SNAP25: variants seen among roughly 807,000 people sequenced by gnomAD.
SNAP25 encodes the protein synaptosome associated protein 25, also known as synaptosomal-associated protein 25.
SNAP25 carries 3 observed loss-of-function variants against 28.7 expected under a neutral mutation model. The observed-to-expected ratio is 0.10, with a 90% CI of 0.05 to 0.27. The LOEUF (loss-of-function observed/expected upper bound fraction) is 0.27, where lower values mean the gene tolerates loss of function less well. Ranked by LOEUF, SNAP25 falls within the 10% of genes least tolerant of loss-of-function variation. The pLI is 1.00. For missense variants in SNAP25, 117 were observed against 278.7 expected (o/e 0.42, Z 4.13); for synonymous variants, 61 against 88.1 (o/e 0.69, Z 1.72).
At chr20:10,269,119 A>G (rs1429384013) in intron 1 of SNAP25, among the ~76,000 whole-genome samples, 1 of 152,204 alleles carries the variant, frequency 6.6e-6, no homozygotes, top group Non-Finnish European at 1.5e-5. Context: ...GTTTTAAAAT[A>G]TGTTCCAGAA....
intron 1 of SNAP25, among the ~76,000 whole-genome samples, chr20:10,274,825 A>G (rs2063659860): frequency 6.6e-6 from 1 of 152,170 alleles, no homozygotes; most frequent in South Asian, 2.1e-4. Flanking sequence ...CCTGGGCGAC[A>G]GAGCGAGACT....
intron 1 of SNAP25, among the ~76,000 whole-genome samples, chr20:10,239,288 T>G (rs1446386367): frequency 2.0e-5 from 3 of 152,212 alleles, no homozygotes; most frequent in African/African-American, 7.2e-5. Context: ...TAGACAATAG[T>G]CGAATTTCAT....
At chr20:10,284,241 C>A (rs965458245) in intron 3 of SNAP25, among the ~76,000 whole-genome samples, 2 of 152,098 alleles carry the variant, frequency 1.3e-5, no homozygotes, top group African/African-American at 4.8e-5. Context: ...AAAACCTCAA[C>A]CCCCACCACC....
At chr20:10,286,569 G>T (rs1344375079) in intron 4 of SNAP25, among the ~76,000 whole-genome samples, 1 of 152,254 alleles carries the variant, frequency 6.6e-6, no homozygotes, top group Non-Finnish European at 1.5e-5. Flanking sequence ...TCAGCCATTG[G>T]CTTGAAGCAT....
Position 10,293,139 on chromosome 20 carries a change from T to C in SNAP25, c.164-22T>C. On this transcript the variant is annotated intron_variant, in intron 4 of 7. Transcript: ENST00000254976. This position sits in a 1 kb window ranked among gnomAD's most constrained non-coding sequence, Gnocchi z 5.6. ...TTCCATCTGCTTCATTCTGTGGGGA[T>C]AAAATACTTGTGTTTAATCAGAACA... 1 of 1,600,118 alleles carries C rather than the reference T, an allele frequency of 6.2e-7. No homozygotes were observed. The highest frequency in any genetic ancestry group is 8.6e-7 in the Non-Finnish European group (1 of 1,167,944).
intron 1 of SNAP25, among the ~76,000 whole-genome samples, chr20:10,273,024 G>A (rs978187192): frequency 2.0e-5 from 3 of 152,108 alleles, no homozygotes; most frequent in African/African-American, 7.2e-5. Flanking sequence ...CATCCTTGTT[G>A]AGAAAGCAAT....
chr20:10,258,357 TC>T (rs2063356523), intron 1 of SNAP25, among the ~76,000 whole-genome samples: 1 of 152,198 alleles, frequency 6.6e-6, no homozygotes, highest in Non-Finnish European at 1.5e-5. Context: ...CATCACATAC[TC>T]CTTCTATATT....
At chr20:10,296,682 G>A (rs1437239314) in intron 5 of SNAP25, 2 of 484,750 alleles carry the variant, frequency 4.1e-6, no homozygotes, top group Non-Finnish European at 7.1e-6. Context: ...ACCAAAACAA[G>A]AACAACCTTG....
At chr20:10,277,839 T>C in intron 3 of SNAP25, 113 bp downstream of exon 3, 2 of 994,006 alleles carry the variant, frequency 2.0e-6, no homozygotes, top group South Asian at 2.8e-5. Context: ...CCAGTGTGGA[T>C]GTAGCCTATC....
intron 1 of SNAP25, among the ~76,000 whole-genome samples, chr20:10,252,580 T>C (rs2063250068): frequency 6.6e-6 from 1 of 152,182 alleles, no homozygotes; most frequent in African/African-American, 2.4e-5. Context: ...ATACATATGT[T>C]AAAATTTAAC....
chr20:10,242,953 G>A lies in SNAP25; in HGVS notation c.-64+23976G>A, dbSNP rs3025860. Among the ~76,000 whole-genome samples the A allele has an allele frequency of 8.0e-3, 1,217 of 152,318 alleles. 11 individuals are homozygous for A. Among genetic ancestry groups the A allele is most frequent in the African/African-American group, 0.024 (992 of 41,570 alleles). On this transcript the variant is annotated intron_variant, in intron 1 of 7. Transcript: ENST00000254976. ...AGAATAAACATGGCCTATTAGCAAG[G>A]AGTGGCTCTTCCTGTCCCCTGCTCT...
intron 1 of SNAP25, among the ~76,000 whole-genome samples, chr20:10,252,073 C>G (rs1212637082): frequency 6.6e-6 from 1 of 152,202 alleles, no homozygotes; most frequent in East Asian, 1.9e-4. Flanking sequence ...TTAACAGGCC[C>G]TATGTGCCCT....
chr20:10,258,155 C>T (rs997864967), intron 1 of SNAP25, among the ~76,000 whole-genome samples: 6 of 152,082 alleles, frequency 3.9e-5, no homozygotes, highest in Admixed American at 2.6e-4. Context: ...TTAGAGATCT[C>T]GTGTCATGGA....
intron 1 of SNAP25, among the ~76,000 whole-genome samples, chr20:10,224,222 A>G (rs2062688146): frequency 8.7e-6 from 1 of 115,536 alleles, no homozygotes; most frequent in South Asian, 2.8e-4. Context: ...CATATTTTTC[A>G]TATTGGCCAA....
chr20:10,297,170 A>G (rs1217945312), intron 6 of SNAP25, 120 bp downstream of exon 6: 8 of 1,266,926 alleles, frequency 6.3e-6, no homozygotes, highest in Non-Finnish European at 7.2e-6. Flanking sequence ...ATACCTGCTA[A>G]GTGTTCTTTT....
intron 6 of SNAP25, among the ~76,000 whole-genome samples, chr20:10,298,790 A>T (rs1333441997): frequency 6.6e-6 from 1 of 152,076 alleles, no homozygotes; most frequent in Non-Finnish European, 1.5e-5. Context: ...GAGCACAGAG[A>T]CTCTGACTTA....
At chr20:10,240,530 G>T (rs1600665742) in intron 1 of SNAP25, among the ~76,000 whole-genome samples, 1 of 152,068 alleles carries the variant, frequency 6.6e-6, no homozygotes, top group East Asian at 1.9e-4. Flanking sequence ...AAATGCTGGG[G>T]GTCATCTCAG....
chr20:10,258,731 G>A (rs2063362318), intron 1 of SNAP25, among the ~76,000 whole-genome samples: 1 of 152,108 alleles, frequency 6.6e-6, no homozygotes, highest in Non-Finnish European at 1.5e-5. Flanking sequence ...TCGATATTTG[G>A]GTAAATCCAA....
intron 1 of SNAP25, among the ~76,000 whole-genome samples, chr20:10,236,529 G>A (rs2062924464): frequency 6.6e-6 from 1 of 152,072 alleles, no homozygotes; most frequent in African/African-American, 2.4e-5. Flanking sequence ...AGTGCCCTCT[G>A]TTTAAGCAAA....
Sources: gnomAD v4.1 joint callset for allele counts (sites outside exome capture counted in the v4.1 genomes callset) on GRCh38, gnomAD v4.1.1 for gene constraint, Gnocchi (gnomAD v3.1) non-coding constraint, MANE v1.5 for transcripts, NCBI Gene and HGNC (gene_info 2026-07-23, HGNC 2026-07-21) for gene names.